Variants in NAV2 observed in about 807,000 individuals in gnomAD.
NAV2 encodes the protein helicase, APC down-regulated 1.
A neutral mutation model predicts 223.2 loss-of-function variants in NAV2; 54 were observed. The ratio of observed to expected loss-of-function variants is 0.24; its 90% CI spans 0.19 to 0.30. The LOEUF (loss-of-function observed/expected upper bound fraction) is 0.30, where lower values mean the gene tolerates loss of function less well. NAV2 is among the 10% of genes least tolerant of loss of function. The pLI is 1.00. For missense variants in NAV2, 2,806 were observed against 3,147.5 expected (o/e 0.89, Z 2.60); for synonymous variants, 1,279 against 1,239.3 (o/e 1.03, Z -0.67).
intron 3 of NAV2, among the ~76,000 whole-genome samples, chr11:19,863,288 C>A (rs572704130): frequency 6.6e-6 from 1 of 152,348 alleles, no homozygotes; most frequent in Admixed American, 6.5e-5. Flanking sequence ...CCCATCTACT[C>A]TTGTCAAGGG....
At chr11:20,016,838 CAAAAAAA>C (rs34115097) in intron 11 of NAV2, among the ~76,000 whole-genome samples, 6 of 145,464 alleles carry the variant, frequency 4.1e-5, no homozygotes, top group East Asian at 4.0e-4. Flanking sequence ...TACTAAAATA[CAAAAAAA>C]AAAAAAAAAA....
chr11:19,590,765 G>A (rs545928156), intron 1 of NAV2, among the ~76,000 whole-genome samples: 121 of 152,246 alleles, frequency 7.9e-4, no homozygotes, highest in Non-Finnish European at 1.3e-3. Context: ...TTTTCTTTAA[G>A]TCAATACATT....
Position 20,106,175 on chromosome 11 carries a change from A to ATATGTGTGTGTGTGTGTGTG in NAV2, c.6841+449_6841+450insATGTGTGTGTGTGTGTGTGT, listed in dbSNP as rs11267537. On this transcript the variant is annotated intron_variant, in intron 35 of 37. Coordinates refer to ENST00000349880, the MANE Select transcript of NAV2 (RefSeq NM_145117.5). Reference sequence around the variant, plus strand: ...TGTGTGTATATATATATATATATATATGTGTGTGTATATATATATATATAT... The same window carrying ATATGTGTGTGTGTGTGTGTG: ...TGTGTGTATATATATATATATATATATATGTGTGTGTGTGTGTGTGTGTGTGTGTATATATATATATATAT... Among the ~76,000 whole-genome samples, 118 of 35,808 alleles carry ATATGTGTGTGTGTGTGTGTG rather than the reference A, an allele frequency of 3.3e-3. 10 individuals carry two copies. The highest frequency in any genetic ancestry group is 4.9e-3 in the South Asian group (4 of 816). 23.5% of individuals were successfully genotyped at this position (35,808 alleles called of 152,430 possible). A position where few individuals can be genotyped will look rare whatever the true frequency, so the allele number is the denominator to read the frequency against.
intron 36 of NAV2, 99 bp from the exon 37 acceptor site, chr11:20,114,493 T>G: frequency 9.6e-7 from 1 of 1,046,060 alleles, no homozygotes; most frequent in East Asian, 2.5e-5. Flanking sequence ...AGGGAAGGCA[T>G]GATGCTGGAT....
chr11:19,809,774 T>G (rs192892213), intron 1 of NAV2, among the ~76,000 whole-genome samples: 1 of 141,888 alleles, frequency 7.0e-6, no homozygotes, highest in African/African-American at 2.4e-5. Context: ...TTTTGTAGAA[T>G]GGACATCATC....
rs903279770 is a variant in NAV2, at chr11:19,433,593, C to A, written c.75+82566C>A. On this transcript the variant is annotated intron_variant, in intron 1 of 37. Coordinates refer to the NAV2 transcript ENST00000360655. ...AATGCCAGCACAATTTACATCAAAA[C>A]CCCCATCTGCTCAACTGAAAGGCGG... 5.9e-5 allele frequency among the ~76,000 whole-genome samples: 9 copies of A among 152,226 alleles called. 1 individual carries two copies. The highest frequency in any genetic ancestry group is 2.2e-4 in the African/African-American group (9 of 41,466).
chr11:19,868,857 C>T, intron 3 of NAV2, 68 bp from the exon 4 acceptor site: 2 of 1,482,936 alleles, frequency 1.3e-6, no homozygotes, highest in East Asian at 2.3e-5. Flanking sequence ...TCCCATTGTT[C>T]CTCATAAGAG....
intron 10 of NAV2, among the ~76,000 whole-genome samples, chr11:19,961,373 C>T (rs1239269681): frequency 1.3e-5 from 2 of 152,116 alleles, no homozygotes; most frequent in East Asian, 3.9e-4. Flanking sequence ...TGGAGAATAC[C>T]AAGTTCGAGT....
chr11:19,534,756 T>A (rs1173381089), intron 1 of NAV2, among the ~76,000 whole-genome samples: 1 of 152,132 alleles, frequency 6.6e-6, no homozygotes, highest in African/African-American at 2.4e-5. Context: ...CTGAGAGACC[T>A]TGCATTCCAT....
At chr11:19,882,548 C>T (rs765041801) in intron 5 of NAV2, among the ~76,000 whole-genome samples, 1 of 152,202 alleles carries the variant, frequency 6.6e-6, no homozygotes, top group Non-Finnish European at 1.5e-5. Context: ...TTCCAAGGAA[C>T]ATGCATTGAG....
chr11:20,119,687 G>C lies in NAV2; in HGVS notation c.*1429G>C, dbSNP rs747749000. On this transcript the variant is annotated 3_prime_UTR_variant, in exon 38 of 38. Transcript: ENST00000349880. ...TAAGTGTCGTGCCTGCCTGGGGTTTGTTTTTTTTGTCATTGTTTTCCCCAT... is the reference window on the plus strand; with the variant it reads ...TAAGTGTCGTGCCTGCCTGGGGTTTCTTTTTTTTGTCATTGTTTTCCCCAT... 1 of 151,968 alleles carries C rather than the reference G, an allele frequency of 6.6e-6. No individual in the cohort carries two copies. The highest frequency in any genetic ancestry group is 1.5e-5 in the Non-Finnish European group (1 of 67,928). 9.4% of individuals were successfully genotyped at this position (151,968 alleles called of 1,614,324 possible).
intron 12 of NAV2, among the ~76,000 whole-genome samples, chr11:20,042,090 C>A (rs1370666651): frequency 6.6e-6 from 1 of 152,124 alleles, no homozygotes; most frequent in Non-Finnish European, 1.5e-5. Context: ...TGGTGCCTGG[C>A]AGACAGCAAG....
intron 1 of NAV2, among the ~76,000 whole-genome samples, chr11:19,728,663 C>T (rs919768005): frequency 4.6e-5 from 7 of 152,292 alleles, no homozygotes; most frequent in Admixed American, 1.3e-4. Context: ...GCACTAAATG[C>T]GATCATGTGG....
At chr11:19,681,434 G>T (rs1160399490) in intron 1 of NAV2, among the ~76,000 whole-genome samples, 1 of 152,000 alleles carries the variant, frequency 6.6e-6, no homozygotes, top group East Asian at 1.9e-4. Context: ...TTGAACCCAG[G>T]TCTCTCTGCA....
rs1254566888 is a variant in NAV2, at chr11:19,954,950, T to C, written c.2645+5870T>C. On this transcript the variant is annotated intron_variant, in intron 10 of 37. Coordinates refer to ENST00000349880, the MANE Select transcript of NAV2 (RefSeq NM_145117.5). ...GTATATACATATATATATACATATA[T>C]ACATATATATATACATATACACACA... Among the ~76,000 whole-genome samples the C allele has an allele frequency of 3.6e-3, 182 of 49,868 alleles. 4 individuals are homozygous for C. The South Asian group carries it at 0.13, about 36-fold the overall frequency. 32.7% of individuals were successfully genotyped at this position (49,868 alleles called of 152,430 possible).
At chr11:19,361,415 A>T (rs1307715545) in intron 1 of NAV2, among the ~76,000 whole-genome samples, 1 of 152,040 alleles carries the variant, frequency 6.6e-6, no homozygotes, top group East Asian at 1.9e-4. Flanking sequence ...CTTGGGTATC[A>T]GTTTGCTCCT....
intron 1 of NAV2, among the ~76,000 whole-genome samples, chr11:19,407,605 A>C (rs1182012536): frequency 6.7e-6 from 1 of 150,168 alleles, no homozygotes; most frequent in Non-Finnish European, 1.5e-5. Context: ...CTGTGTAGAG[A>C]CTGGAGCCAG....
chr11:19,651,742 A>C (rs2047973543), intron 1 of NAV2, among the ~76,000 whole-genome samples: 1 of 152,214 alleles, frequency 6.6e-6, no homozygotes, highest in South Asian at 2.1e-4. Flanking sequence ...TTATAATTTG[A>C]ATTATTACCA....
At chr11:19,632,034 G>A (rs1049680003) in intron 1 of NAV2, among the ~76,000 whole-genome samples, 3 of 152,296 alleles carry the variant, frequency 2.0e-5, no homozygotes, top group South Asian at 2.1e-4. Context: ...GTTCCCACCC[G>A]CCAGGGAACA....
Sources: gnomAD v4.1 joint callset for allele counts (sites outside exome capture counted in the v4.1 genomes callset) on GRCh38, gnomAD v4.1.1 for gene constraint, MANE v1.5 for transcripts, NCBI Gene and HGNC (gene_info 2026-07-23, HGNC 2026-07-21) for gene names.